Variants in CLEC3A observed in about 807,000 individuals in gnomAD.
CLEC3A encodes C-type (calcium dependent, carbohydrate-recognition domain) lectin, superfamily member 1 (cartilage-derived).
In CLEC3A, 28 loss-of-function variants were observed where a neutral mutation model predicts 20.4. The observed-to-expected ratio is 1.37, with a 90% CI of 1.02 to 1.88. The LOEUF is 1.88. Among genes scored for constraint, CLEC3A ranks in the 40% most tolerant of loss-of-function variants. The pLI is 0.00. For missense variants in CLEC3A, 357 were observed against 240.4 expected (o/e 1.48, Z -3.21); for synonymous variants, 110 against 88.1 (o/e 1.25, Z -1.39).
rs1291746668 is a variant in CLEC3A, at chr16:78,031,822, C to A, written c.*981C>A. 2 of 152,056 alleles carry A rather than the reference C, an allele frequency of 1.3e-5. No homozygotes were observed. The highest frequency in any genetic ancestry group is 3.9e-4 in the East Asian group (2 of 5,174). 9.4% of individuals were successfully genotyped at this position (152,056 alleles called of 1,614,324 possible). On this transcript the variant is annotated 3_prime_UTR_variant, in exon 3 of 3. Coordinates refer to ENST00000299642, the MANE Select transcript of CLEC3A (RefSeq NM_005752.6). Reference sequence around the variant, plus strand: ...TCTTGGAAAATTGCATACGTCTGTGCAATTTTTTATTCTGCCTAGTGCTAT... The same window carrying A: ...TCTTGGAAAATTGCATACGTCTGTGAAATTTTTTATTCTGCCTAGTGCTAT...
intron 1 of CLEC3A, among the ~76,000 whole-genome samples, chr16:78,027,671 T>G (rs1305927003): frequency 6.6e-6 from 1 of 152,214 alleles, no homozygotes; most frequent in Admixed American, 6.5e-5. Context: ...TTTGGTTTTT[T>G]TTCAGACAGA....
rs752299873 is a variant in CLEC3A at position 78,030,812 on chromosome 16, T to C, written c.565T>C (p.Tyr189His). The C allele has an allele frequency of 6.2e-6, 10 of 1,613,586 alleles. No individual in the cohort carries two copies. The highest frequency in any genetic ancestry group is 8.5e-6 in the Non-Finnish European group (10 of 1,179,746). Residue 189 changes from tyrosine (Y) to histidine (H), a missense_variant, in exon 3 of 3, where the codon TAC becomes CAC. Physicochemically the swap from Tyr to His is moderately conservative, Grantham distance 83 (BLOSUM62 2). Coordinates refer to ENST00000299642, the MANE Select transcript of CLEC3A (RefSeq NM_005752.6). ...TGAGGCCTGTCGCAGCAGCAAGAGA[T>C]ACATATGCGAGTTCACCATCCCTCA... is the stretch of plus-strand genomic sequence containing the variant. ...SDEACRSSKR[Y>H]ICEFTIPQ
chr16:78,030,459 GCACTAAAGTT>G lies in CLEC3A; in HGVS notation c.216_225del (p.Lys73ArgfsTer10). 6.2e-7 allele frequency: 1 copy of G among 1,605,980 alleles called. No individual in the cohort carries two copies. The highest frequency in any genetic ancestry group is 2.2e-5 in the East Asian group (1 of 44,746). On this transcript the variant is annotated frameshift_variant, in exon 3 of 3. Coordinates refer to ENST00000299642, the MANE Select transcript of CLEC3A (RefSeq NM_005752.6). LOFTEE classifies it high-confidence loss of function. ...CACATCTTCACAGTCTGTCTCCGAG[GCACTAAAGTT>G]CACAAGAAATGCTACCTTGCTTCAG...
chr16:78,025,289 G>A (rs1405354225), intron 1 of CLEC3A, among the ~76,000 whole-genome samples: 3 of 152,184 alleles, frequency 2.0e-5, no homozygotes, highest in Admixed American at 1.3e-4. Flanking sequence ...TTGTTTGGAT[G>A]GGTCATCACT....
intron 2 of CLEC3A, among the ~76,000 whole-genome samples, chr16:78,029,542 G>C (rs1390315399): frequency 6.6e-6 from 1 of 151,960 alleles, no homozygotes; most frequent in Non-Finnish European, 1.5e-5. Context: ...CTAATTTTTT[G>C]TATTTTTAGT....
intron 1 of CLEC3A, among the ~76,000 whole-genome samples, chr16:78,024,389 T>C (rs1327576240): frequency 1.3e-5 from 2 of 151,944 alleles, no homozygotes; most frequent in Non-Finnish European, 2.9e-5. Context: ...TCCAGGGGCC[T>C]CCCTCCCCTT....
chr16:78,024,409 A>C (rs1041908256), intron 1 of CLEC3A, among the ~76,000 whole-genome samples: 2 of 149,240 alleles, frequency 1.3e-5, no homozygotes, highest in African/African-American at 2.5e-5. Flanking sequence ...TCCTCCTCCC[A>C]CTCTCTTCTC....
intron 1 of CLEC3A, among the ~76,000 whole-genome samples, chr16:78,026,362 C>T (rs1029244542): frequency 1.3e-5 from 2 of 152,196 alleles, no homozygotes; most frequent in Non-Finnish European, 2.9e-5. Flanking sequence ...CACAAAGAAG[C>T]AGCTGGGAAC....
intron 2 of CLEC3A, chr16:78,029,235 C>T (rs1312055140): frequency 7.1e-6 from 3 of 421,468 alleles, no homozygotes; most frequent in African/African-American, 4.1e-5. Flanking sequence ...AGGCCTGACT[C>T]TCCAGTGCTA....
chr16:78,028,221 C>G (rs998990723), intron 2 of CLEC3A, 31 bp downstream of exon 2: 2 of 1,471,874 alleles, frequency 1.4e-6, no homozygotes, highest in Non-Finnish European at 9.1e-7. Context: ...GTGCCTTGTC[C>G]CAAAGGAGAC....
At position 78,030,727 on chromosome 16, in the gene CLEC3A, C is replaced by T. The variant is rs371337987; in HGVS notation, c.480C>T (p.Asn160=). 40 of 1,613,994 alleles carry T rather than the reference C, an allele frequency of 2.5e-5. No individual in the cohort carries two copies. The highest frequency in any genetic ancestry group is 3.3e-5 in the South Asian group (3 of 91,072). Residue 160 remains asparagine (N), a synonymous_variant, in exon 3 of 3, where the codon AAC becomes AAT. Coordinates refer to ENST00000299642, the MANE Select transcript of CLEC3A (RefSeq NM_005752.6). Reference sequence around the variant, plus strand: ...TCAACTGGGACCGTGCACAGCCTAACGGTGGCAAGCGAGAAAACTGTGTCC... The same window carrying T: ...TCAACTGGGACCGTGCACAGCCTAATGGTGGCAAGCGAGAAAACTGTGTCC... The part of the protein sequence containing the change: ...SFLNWDRAQP[N]GGKRENCVLF...
Position 78,030,536 on chromosome 16 carries a change from T to C in CLEC3A, c.289T>C (p.Ser97Pro), listed in dbSNP as rs1231245262. Residue 97 changes from serine to proline, a missense_variant, in exon 3 of 3, where the codon TCC (serine) becomes CCC (proline). By Grantham distance (74) the Ser-to-Pro change is moderately conservative. Transcript: ENST00000299642. ...HFHEANEDCISKGGILVIPRN... is the reference protein window; with the variant it reads ...HFHEANEDCIPKGGILVIPRN... ...CCATGAGGCCAATGAAGACTGCATT[T>C]CCAAAGGAGGAATCCTGGTTATCCC... is the stretch of plus-strand genomic sequence containing the variant. 1 of 1,613,956 alleles carries C rather than the reference T, an allele frequency of 6.2e-7. No homozygotes were observed. The highest frequency in any genetic ancestry group is 8.5e-7 in the Non-Finnish European group (1 of 1,180,020).
chr16:78,025,081 T>C (rs1189876848), intron 1 of CLEC3A, among the ~76,000 whole-genome samples: 3 of 152,196 alleles, frequency 2.0e-5, no homozygotes, highest in Non-Finnish European at 4.4e-5. Flanking sequence ...GGTGATGGGA[T>C]TGCAGGCATG....
chr16:78,022,852 A>G, intron 1 of CLEC3A, 111 bp downstream of exon 1: 6 of 1,093,930 alleles, frequency 5.5e-6, no homozygotes, highest in Non-Finnish European at 7.9e-6. Context: ...TGATGGCACC[A>G]TGCCATCATC....
chr16:78,022,826 A>G, intron 1 of CLEC3A, 85 bp downstream of exon 1: 1 of 1,432,118 alleles, frequency 7.0e-7, no homozygotes. Flanking sequence ...AAACTCCTCC[A>G]GGAGACTATC....
intron 2 of CLEC3A, 139 bp from the exon 3 acceptor site, chr16:78,030,308 G>T: frequency 4.0e-6 from 3 of 758,250 alleles, no homozygotes; most frequent in Admixed American, 2.6e-5. Flanking sequence ...CATGTTGTCC[G>T]GCACATAGAA....
rs766391026 is a variant in CLEC3A at position 78,028,206 on chromosome 16, T to C, written c.199+16T>C. 5 of 1,553,668 alleles carry C rather than the reference T, an allele frequency of 3.2e-6. No individual in the cohort carries two copies. The South Asian group carries it at 3.6e-5, about 11-fold the overall frequency. ...CTGCAGACAGGTAAGGTGCAGACCTTCTCAGTGCCTTGTCCCAAAGGAGAC... is the reference window on the plus strand; with the variant it reads ...CTGCAGACAGGTAAGGTGCAGACCTCCTCAGTGCCTTGTCCCAAAGGAGAC... On this transcript the variant is annotated intron_variant, in intron 2 of 2. Coordinates refer to ENST00000299642, the MANE Select transcript of CLEC3A (RefSeq NM_005752.6).
rs1401460175 is a variant in CLEC3A, at chr16:78,028,126, G to C, written c.135G>C (p.Lys45Asn). ...RRVRDKDGDL[K>N]TQIEKLWTEV... is the part of the protein sequence containing the mutation. Reference sequence around the variant, plus strand: ...CCCCAGACAAGGATGGAGATCTGAAGACTCAAATTGAAAAGCTCTGGACAG... The same window carrying C: ...CCCCAGACAAGGATGGAGATCTGAACACTCAAATTGAAAAGCTCTGGACAG... The change falls in exon 2 of 3, where the codon AAG (lysine) becomes AAC (asparagine). Residue 45 changes from lysine (K) to asparagine (N), a missense_variant. By Grantham distance (94) the Lys-to-Asn change is moderately conservative. Transcript: ENST00000299642. The C allele has an allele frequency of 1.2e-6, 2 of 1,610,576 alleles. No individual in the cohort carries two copies. The highest frequency in any genetic ancestry group is 1.7e-6 in the Non-Finnish European group (2 of 1,179,302).
chr16:78,028,628 C>G (rs1188175423), intron 2 of CLEC3A, among the ~76,000 whole-genome samples: 3 of 152,230 alleles, frequency 2.0e-5, no homozygotes, highest in African/African-American at 7.2e-5. Context: ...CGTTCCTCCC[C>G]ACAGTTATGC....
Sources: allele counts gnomAD v4.1 joint callset (sites outside exome capture counted in the v4.1 genomes callset), GRCh38; gene constraint gnomAD v4.1.1; transcripts MANE v1.5; gene names NCBI Gene and HGNC (gene_info 2026-07-23, HGNC 2026-07-21).